Variants in NUMB observed in about 807,000 individuals in gnomAD.
NUMB encodes NUMB endocytic adaptor protein.
In NUMB, 29 loss-of-function variants were observed where a neutral mutation model predicts 59.7. The ratio of observed to expected loss-of-function variants is 0.49; its 90% CI spans 0.36 to 0.66. The LOEUF (loss-of-function observed/expected upper bound fraction) is 0.66. Ranked by LOEUF, NUMB falls within the 30% of genes least tolerant of loss-of-function variation. The pLI is 0.00. For missense variants in NUMB, 723 were observed against 822.0 expected, an observed-to-expected ratio of 0.88 and a Z score of 1.47; for synonymous variants, 288 against 288.2, an observed-to-expected ratio of 1.00 and a Z score of 0.01.
intron 1 of NUMB, among the ~76,000 whole-genome samples, chr14:73,432,709 A>C (rs1195286279): frequency 6.6e-6 from 1 of 152,130 alleles, no homozygotes; most frequent in Non-Finnish European, 1.5e-5. Context: ...AATGACACCA[A>C]ATCAGAAGTG....
chr14:73,364,528 T>A (rs1326890812), intron 3 of NUMB, among the ~76,000 whole-genome samples: 3 of 151,872 alleles, frequency 2.0e-5, no homozygotes, highest in African/African-American at 4.8e-5. Context: ...TTTAAAAAAA[T>A]AATAAAAATA....
chr14:73,424,519 A>G (rs1358899059), intron 1 of NUMB, among the ~76,000 whole-genome samples: 2 of 152,096 alleles, frequency 1.3e-5, no homozygotes, highest in Non-Finnish European at 2.9e-5. Flanking sequence ...AAACACTCTC[A>G]TGGTTCCAAA....
chr14:73,452,427 G>A (rs1595056101), intron 1 of NUMB, among the ~76,000 whole-genome samples: 2 of 152,076 alleles, frequency 1.3e-5, no homozygotes, highest in Non-Finnish European at 2.9e-5. Context: ...GGCTGAGGCA[G>A]AAGGATCACC....
At chr14:73,366,225 C>T (rs1401850566) in intron 3 of NUMB, among the ~76,000 whole-genome samples, 1 of 152,128 alleles carries the variant, frequency 6.6e-6, no homozygotes, top group Non-Finnish European at 1.5e-5. Context: ...GGCTCTTGTA[C>T]ATGTGAGATC....
intron 6 of NUMB, among the ~76,000 whole-genome samples, chr14:73,309,753 T>TAATAATAAA (rs1555370097): frequency 2.1e-5 from 3 of 143,500 alleles, no homozygotes; most frequent in Non-Finnish European, 4.5e-5. Flanking sequence ...ATAATAATAA[T>TAATAATAAA]AATAAAAATA....
intron 4 of NUMB, 138 bp downstream of exon 4, chr14:73,355,488 A>T: frequency 1.6e-6 from 1 of 625,002 alleles, no homozygotes; most frequent in Non-Finnish European, 2.5e-6. Context: ...TTTCTCTTTT[A>T]ATTCTATCAT....
chr14:73,343,390 A>G (rs745994145), intron 4 of NUMB, among the ~76,000 whole-genome samples: 45 of 152,220 alleles, frequency 3.0e-4, no homozygotes, highest in Non-Finnish European at 5.4e-4. Flanking sequence ...GACAAAAAGG[A>G]TAGATATTTA....
At chr14:73,407,702 T>C (rs919844662) in intron 2 of NUMB, among the ~76,000 whole-genome samples, 2 of 152,224 alleles carry the variant, frequency 1.3e-5, no homozygotes, top group East Asian at 1.9e-4. Context: ...AGAAAGTATC[T>C]AGATAGCAAG....
At chr14:73,432,215 A>C (rs1298919669) in intron 1 of NUMB, among the ~76,000 whole-genome samples, 1 of 152,142 alleles carries the variant, frequency 6.6e-6, no homozygotes, top group Non-Finnish European at 1.5e-5. Flanking sequence ...TGAAAGAATA[A>C]TCAAGATAAT....
intron 12 of NUMB, among the ~76,000 whole-genome samples, chr14:73,278,520 CA>C (rs58404965): frequency 0.28 from 36,884 of 133,184 alleles, 5,236 homozygotes; most frequent in East Asian, 0.68. Context: ...ACTCCACCTC[CA>C]AAAAAAAAAA....
At chr14:73,296,201 G>A (rs1174636868) in intron 7 of NUMB, among the ~76,000 whole-genome samples, 1 of 152,090 alleles carries the variant, frequency 6.6e-6, no homozygotes, top group Non-Finnish European at 1.5e-5. Context: ...CCAGCACTTT[G>A]GGAGGCCAAG....
At chr14:73,323,521 A>C (rs942648984) in intron 4 of NUMB, among the ~76,000 whole-genome samples, 1 of 152,274 alleles carries the variant, frequency 6.6e-6, no homozygotes, top group Non-Finnish European at 1.5e-5. Context: ...GAAGAAGTAC[A>C]CAGTAGGCAC....
intron 1 of NUMB, among the ~76,000 whole-genome samples, chr14:73,418,952 G>A (rs1404380380): frequency 6.6e-6 from 1 of 152,022 alleles, no homozygotes; most frequent in Non-Finnish European, 1.5e-5. Flanking sequence ...ATCAAGAATA[G>A]GACCAAAGAG....
chr14:73,377,184 T>C (rs1311835677), intron 2 of NUMB, among the ~76,000 whole-genome samples: 1 of 152,174 alleles, frequency 6.6e-6, no homozygotes, highest in Non-Finnish European at 1.5e-5. Flanking sequence ...GCAATGACTT[T>C]TAAAATATAC....
intron 9 of NUMB, chr14:73,286,230 TAG>T (rs1379276708): frequency 2.4e-5 from 3 of 125,426 alleles, no homozygotes; most frequent in Admixed American, 9.5e-5. Flanking sequence ...TTTTAAGGGA[TAG>T]AGTCTATGTT....
intron 1 of NUMB, among the ~76,000 whole-genome samples, chr14:73,420,532 T>C (rs1056177693): frequency 1.3e-5 from 2 of 152,144 alleles, no homozygotes; most frequent in Non-Finnish European, 1.5e-5. Context: ...TAAAAATTCA[T>C]TGTTAGGCCA....
intron 2 of NUMB, among the ~76,000 whole-genome samples, chr14:73,389,744 T>C (rs1323498530): frequency 6.6e-6 from 1 of 152,212 alleles, no homozygotes; most frequent in Non-Finnish European, 1.5e-5. Flanking sequence ...GAAAATGACT[T>C]TGAAATTATA....
At chr14:73,312,196 C>T (rs1183024933) in intron 6 of NUMB, among the ~76,000 whole-genome samples, 1 of 152,106 alleles carries the variant, frequency 6.6e-6, no homozygotes, top group African/African-American at 2.4e-5. Flanking sequence ...GAATTCGAGA[C>T]CAGCCTGGCC....
At chr14:73,447,785 A>ATT (rs578171322) in intron 1 of NUMB, among the ~76,000 whole-genome samples, 8 of 141,554 alleles carry the variant, frequency 5.7e-5, no homozygotes, top group South Asian at 2.2e-4. Flanking sequence ...TTTCTTGCCG[A>ATT]TTTTTTTTTT....
Sources: allele counts gnomAD v4.1 joint callset (sites outside exome capture counted in the v4.1 genomes callset), GRCh38; gene constraint gnomAD v4.1.1; transcripts MANE v1.5; gene names NCBI Gene and HGNC (gene_info 2026-07-23, HGNC 2026-07-21).